The following PDE1C variants were observed in gnomAD, a reference collection of about 807,000 sequenced individuals.
PDE1C encodes the protein dual specificity calcium/calmodulin-dependent 3',5'-cyclic nucleotide phosphodiesterase 1C.
A neutral mutation model predicts 93.1 loss-of-function variants in PDE1C; 62 were observed. That is an observed-to-expected ratio of 0.67 (90% confidence interval 0.54 to 0.82). The LOEUF (loss-of-function observed/expected upper bound fraction) is 0.82. PDE1C is among the 40% of genes least tolerant of loss of function. The probability of loss-of-function intolerance (pLI) is 0.00; values close to 1 mark genes in which losing one functional copy is unlikely to be tolerated. For synonymous variants in PDE1C, 325 were observed against 310.1 expected (o/e 1.05, Z -0.50); for missense variants, 742 against 884.6 (o/e 0.84, Z 2.04).
chr7:32,136,970 T>C (rs1037541295), intron 3 of PDE1C, among the ~76,000 whole-genome samples: 4 of 152,224 alleles, frequency 2.6e-5, no homozygotes, highest in Non-Finnish European at 5.9e-5. Flanking sequence ...GAGATTTTCT[T>C]TTTAAACCCC....
At chr7:32,374,300 A>AAAGAAAGAAAGG (rs1784396420) in intron 1 of PDE1C, among the ~76,000 whole-genome samples, 2 of 149,066 alleles carry the variant, frequency 1.3e-5, no homozygotes, top group Non-Finnish European at 2.9e-5. Flanking sequence ...AGAAAGAAAG[A>AAAGAAAGAAAGG]AAGAAAGAAG....
chr7:32,365,139 G>A (rs1315652640), intron 1 of PDE1C, among the ~76,000 whole-genome samples: 1 of 152,170 alleles, frequency 6.6e-6, no homozygotes, highest in African/African-American at 2.4e-5. Flanking sequence ...CCCTGGACCT[G>A]CAATCAGGGC....
chr7:31,865,275 G>A (rs1795157014), intron 6 of PDE1C, among the ~76,000 whole-genome samples, 193 bp from the exon 7 acceptor site: 1 of 152,174 alleles, frequency 6.6e-6, no homozygotes, highest in Non-Finnish European at 1.5e-5. Flanking sequence ...CCTTGGTTGA[G>A]AAATAGCCTG....
At chr7:32,126,720 T>C (rs1176802979) in intron 3 of PDE1C, among the ~76,000 whole-genome samples, 4 of 151,994 alleles carry the variant, frequency 2.6e-5, no homozygotes, top group Non-Finnish European at 5.9e-5. Context: ...AGTGAAATAA[T>C]AGGGATAAAC....
intron 1 of PDE1C, among the ~76,000 whole-genome samples, chr7:32,329,560 AT>A (rs746080219): frequency 1.3e-5 from 2 of 152,130 alleles, no homozygotes; most frequent in Non-Finnish European, 2.9e-5. Flanking sequence ...ACTTCCATTC[AT>A]TTGTCCAGTT....
At chr7:31,960,957 C>T (rs941790421) in intron 2 of PDE1C, among the ~76,000 whole-genome samples, 1 of 152,124 alleles carries the variant, frequency 6.6e-6, no homozygotes, top group African/African-American at 2.4e-5. Context: ...GCAGCAAGAT[C>T]TGTGTGTTCA....
chr7:32,383,697 T>TTGGA (rs1784573539), intron 1 of PDE1C, among the ~76,000 whole-genome samples: 1 of 151,766 alleles, frequency 6.6e-6, no homozygotes, highest in African/African-American at 2.4e-5. Flanking sequence ...GGATGGGTGG[T>TTGGA]TGGATGGATG....
the PDE1C span, among the ~76,000 whole-genome samples, chr7:31,637,818 A>G: frequency 6.6e-6 from 1 of 152,306 alleles, no homozygotes; most frequent in Admixed American, 6.5e-5. Context: ...GCCCATGCCT[A>G]TGTCCTGAAC....
chr7:32,011,349 T>A (rs983475715), intron 2 of PDE1C, among the ~76,000 whole-genome samples: 2 of 152,052 alleles, frequency 1.3e-5, no homozygotes, highest in African/African-American at 4.8e-5. Flanking sequence ...CCCACCACTA[T>A]GCCTGGCTAA....
chr7:32,341,876 A>G (rs1264241785), intron 1 of PDE1C, among the ~76,000 whole-genome samples: 7 of 152,168 alleles, frequency 4.6e-5, no homozygotes, highest in Non-Finnish European at 5.9e-5. Flanking sequence ...GCCACTTACC[A>G]GCTTGAGCAA....
At chr7:31,656,323 T>G in the PDE1C span, 1 of 209,090 alleles carries the variant, frequency 4.8e-6, no homozygotes, top group Non-Finnish European at 8.3e-6. Flanking sequence ...TTGCTCTCTT[T>G]ACCCTAGTTT....
At chr7:31,963,781 C>CTGGCATTG (rs1189878697) in intron 2 of PDE1C, among the ~76,000 whole-genome samples, 4 of 152,176 alleles carry the variant, frequency 2.6e-5, no homozygotes, top group Non-Finnish European at 5.9e-5. Flanking sequence ...TTAACTCAGT[C>CTGGCATTG]TGGCATTGAA....
chr7:32,212,027 A>C (rs1198160437), intron 1 of PDE1C, among the ~76,000 whole-genome samples: 1 of 53,546 alleles, frequency 1.9e-5, no homozygotes, highest in South Asian at 8.4e-4. Flanking sequence ...ACCTATCTCA[A>C]AAAAAAAAAA....
chr7:31,924,375 A>T (rs1803067125), intron 2 of PDE1C, among the ~76,000 whole-genome samples: 1 of 152,210 alleles, frequency 6.6e-6, no homozygotes, highest in Admixed American at 6.5e-5. Flanking sequence ...CAAGGAAATA[A>T]TTTGTAGCAA....
intron 3 of PDE1C, among the ~76,000 whole-genome samples, chr7:32,114,699 T>A (rs1261104415): frequency 6.6e-6 from 1 of 152,040 alleles, no homozygotes; most frequent in Non-Finnish European, 1.5e-5. Flanking sequence ...GGGCGAAAAT[T>A]TTTGCAATCT....
At chr7:31,980,791 C>T (rs777276534) in intron 2 of PDE1C, among the ~76,000 whole-genome samples, 9 of 152,202 alleles carry the variant, frequency 5.9e-5, no homozygotes, top group Non-Finnish European at 1.2e-4. Flanking sequence ...TTTCAATCTT[C>T]TGGAGACCAC....
chr7:32,357,812 G>T (rs1401879193), intron 1 of PDE1C, among the ~76,000 whole-genome samples: 7 of 152,284 alleles, frequency 4.6e-5, no homozygotes, highest in Admixed American at 1.3e-4. Context: ...CAAGCTATCA[G>T]GTAGACATCA....
chr7:32,023,698 T>C (rs1789022294), intron 2 of PDE1C, among the ~76,000 whole-genome samples: 1 of 151,640 alleles, frequency 6.6e-6, no homozygotes, highest in South Asian at 2.1e-4. Context: ...TTAAAAAACA[T>C]CTGTGAAATT....
intron 1 of PDE1C, among the ~76,000 whole-genome samples, chr7:32,378,425 A>AC (rs1023710964): frequency 2.0e-5 from 3 of 152,160 alleles, no homozygotes; most frequent in Non-Finnish European, 2.9e-5. Context: ...AAATTATAAT[A>AC]CCCCTTCCCC....
Sources: allele counts gnomAD v4.1 joint callset (sites outside exome capture counted in the v4.1 genomes callset), GRCh38; gene constraint gnomAD v4.1.1; transcripts MANE v1.5; gene names NCBI Gene and HGNC (gene_info 2026-07-23, HGNC 2026-07-21).